MBOAT2: variants seen among roughly 807,000 people sequenced by gnomAD.
MBOAT2 encodes membrane-bound glycerophospholipid O-acyltransferase 2.
Under a neutral mutation model 63.4 loss-of-function variants are expected in MBOAT2, and 28 were observed. The observed-to-expected ratio is 0.44, with a 90% CI of 0.33 to 0.61. MBOAT2 has a LOEUF of 0.61. MBOAT2 is among the 20% of genes least tolerant of loss of function. The pLI is 0.03. For missense variants in MBOAT2, 470 were observed against 605.8 expected (o/e 0.78, Z 2.35); for synonymous variants, 211 against 215.6 (o/e 0.98, Z 0.19).
intron 9 of MBOAT2, among the ~76,000 whole-genome samples, chr2:8,865,197 CTCTT>C (rs1661784423): frequency 6.6e-6 from 1 of 152,188 alleles, no homozygotes; most frequent in Non-Finnish European, 1.5e-5. Context: ...ATTTTCTTTT[CTCTT>C]TTTTTTCAAA....
chr2:8,975,797 C>CAA (rs75305828), intron 1 of MBOAT2, among the ~76,000 whole-genome samples: 812 of 60,676 alleles, frequency 0.013, 23 homozygotes, highest in African/African-American at 0.03. Context: ...ATGAACAATA[C>CAA]AAAAAAAAAA....
intron 7 of MBOAT2, among the ~76,000 whole-genome samples, chr2:8,876,554 T>C (rs764794353): frequency 3.3e-5 from 5 of 152,228 alleles, no homozygotes; most frequent in Non-Finnish European, 7.4e-5. Context: ...GTATTTGAAG[T>C]AGGCTTTTAA....
chr2:8,999,604 C>T (rs1672546141), intron 1 of MBOAT2, among the ~76,000 whole-genome samples: 1 of 152,172 alleles, frequency 6.6e-6, no homozygotes, highest in Admixed American at 6.5e-5. Context: ...ACACAGATAC[C>T]TTCAGTGATT....
chr2:8,860,626 G>A lies in MBOAT2; in HGVS notation c.1324C>T (p.Leu442Phe), dbSNP rs143839710. 4.7e-4 allele frequency: 752 copies of A among 1,612,820 alleles called. No homozygotes were observed. The African/African-American group carries it at 8.8e-3, about 19-fold the overall frequency. Residue 442 changes from leucine (L) to phenylalanine (F), a missense_variant, in exon 12 of 13, where the codon CTC becomes TTC. Transcript: ENST00000305997. ...PFVLLSIKPS[L>F]TFYSSWYYCL... is the part of the protein sequence containing the mutation. Reference sequence around the variant, plus strand: ...AGTAACACTTACCTGTAAAACGTGAGTGATGGTTTTATAGAAAGAAGCACA... The same window carrying A: ...AGTAACACTTACCTGTAAAACGTGAATGATGGTTTTATAGAAAGAAGCACA...
chr2:8,861,103 AG>A (rs1661463110), intron 11 of MBOAT2: 1 of 157,326 alleles, frequency 6.4e-6, no homozygotes, highest in African/African-American at 2.4e-5. Flanking sequence ...CAAAAAAAAA[AG>A]AAAAGTTTAA....
At chr2:8,938,612 G>A (rs1264651272) in intron 3 of MBOAT2, among the ~76,000 whole-genome samples, 6 of 151,560 alleles carry the variant, frequency 4.0e-5, no homozygotes, top group Non-Finnish European at 5.9e-5. Flanking sequence ...CGTGTTTCAT[G>A]CTGCCACGTT....
intron 3 of MBOAT2, among the ~76,000 whole-genome samples, chr2:8,934,241 C>A (rs1429208468): frequency 6.6e-6 from 1 of 152,222 alleles, no homozygotes; most frequent in Non-Finnish European, 1.5e-5. Flanking sequence ...TGAACAATCA[C>A]CAACACCTAC....
chr2:8,968,754 C>T (rs1045297261), intron 1 of MBOAT2, among the ~76,000 whole-genome samples: 3 of 151,902 alleles, frequency 2.0e-5, no homozygotes, highest in African/African-American at 4.8e-5. Flanking sequence ...GTAGCCAATT[C>T]GAACAACTGG....
chr2:8,947,502 AGAG>A (rs1410422095), intron 2 of MBOAT2, among the ~76,000 whole-genome samples: 1 of 152,162 alleles, frequency 6.6e-6, no homozygotes, highest in East Asian at 1.9e-4. Context: ...TCATAGCTAG[AGAG>A]GAGAAGTCAA....
intron 12 of MBOAT2, 144 bp downstream of exon 12, chr2:8,860,469 T>G: frequency 1.3e-6 from 1 of 783,888 alleles, no homozygotes; most frequent in Non-Finnish European, 2.1e-6. Context: ...ACTTGCTTGG[T>G]TCAGAATTAA....
chr2:9,001,236 A>G (rs1421887730), intron 1 of MBOAT2, among the ~76,000 whole-genome samples: 2 of 152,170 alleles, frequency 1.3e-5, no homozygotes, highest in Non-Finnish European at 2.9e-5. Flanking sequence ...AAACAACAAT[A>G]AAAAGTATAG....
Position 8,862,558 on chromosome 2 carries a change from T to A in MBOAT2, c.1185+32A>T. 1 of 1,596,836 alleles carries A rather than the reference T, an allele frequency of 6.3e-7. No individual in the cohort carries two copies. ...CCTTTTTAACAGTTCAAGTGGACCA[T>A]TGAATTGTAAAATAAAATTCTTGAT... is the stretch of plus-strand genomic sequence containing the variant. On this transcript the variant is annotated intron_variant, in intron 11 of 12. Transcript: ENST00000305997. The surrounding 1 kb of genome is among the most constrained non-coding windows in gnomAD (Gnocchi z 4.3).
At chr2:8,898,851 G>C (rs929008354) in intron 4 of MBOAT2, among the ~76,000 whole-genome samples, 1 of 152,238 alleles carries the variant, frequency 6.6e-6, no homozygotes, top group African/African-American at 2.4e-5. Flanking sequence ...GTATTTGAGA[G>C]AGCAGGTTAT....
intron 2 of MBOAT2, among the ~76,000 whole-genome samples, chr2:8,947,848 C>T (rs546467601): frequency 6.6e-6 from 1 of 152,344 alleles, no homozygotes; most frequent in East Asian, 1.9e-4. Context: ...CCTGCTAACA[C>T]AATACCCATT....
intron 6 of MBOAT2, among the ~76,000 whole-genome samples, chr2:8,881,326 T>C (rs1249357807): frequency 6.6e-6 from 1 of 152,068 alleles, no homozygotes; most frequent in African/African-American, 2.4e-5. Context: ...TGGGGGACGG[T>C]GTGTTAGAAG....
intron 2 of MBOAT2, among the ~76,000 whole-genome samples, chr2:8,948,744 G>A (rs542576738): frequency 6.6e-6 from 1 of 152,314 alleles, no homozygotes; most frequent in East Asian, 1.9e-4. Context: ...GTCCAGCACT[G>A]ATGAGCATCT....
In MBOAT2 at chr2:8,916,507, T is replaced by C. The variant is rs143468880; in HGVS notation, c.300-7791A>G. Among the ~76,000 whole-genome samples the C allele has an allele frequency of 3.3e-5, 5 of 152,258 alleles. No individual in the cohort carries two copies. The East Asian group carries it at 9.7e-4, about 29-fold the overall frequency. On this transcript the variant is annotated intron_variant, in intron 3 of 12. Coordinates refer to ENST00000305997, the MANE Select transcript of MBOAT2 (RefSeq NM_138799.4). ...ATAGAGTGGAAATTGCTCAGGGAAA[T>C]TGCTAATTCCCATGTAGCAGCAACT... is the stretch of plus-strand genomic sequence containing the variant.
chr2:8,940,898 CGT>C lies in MBOAT2; in HGVS notation c.299+2287_299+2288del, dbSNP rs540309869. On this transcript the variant is annotated intron_variant, in intron 3 of 12. Coordinates refer to ENST00000305997, the MANE Select transcript of MBOAT2 (RefSeq NM_138799.4). ...GGCTAGTCAAAGAAATATATTAAAA[CGT>C]AATGTAAGAAATATATACCATGTAA... 1.4e-3 allele frequency among the ~76,000 whole-genome samples: 210 copies of C among 152,072 alleles called. 2 individuals carry two copies. Among genetic ancestry groups the C allele is most frequent in the African/African-American group, 4.8e-3 (201 of 41,476 alleles).
chr2:8,929,463 G>A (rs1396366076), intron 3 of MBOAT2, among the ~76,000 whole-genome samples: 6 of 152,226 alleles, frequency 3.9e-5, no homozygotes, highest in South Asian at 4.1e-4. Flanking sequence ...GCAATTCTCC[G>A]GCCTCAGCCC....
Sources: allele counts gnomAD v4.1 joint callset (sites outside exome capture counted in the v4.1 genomes callset), GRCh38; gene constraint gnomAD v4.1.1; non-coding constraint Gnocchi (gnomAD v3.1); transcripts MANE v1.5; gene names NCBI Gene and HGNC (gene_info 2026-07-23, HGNC 2026-07-21).